Variants in MORC3 observed in about 807,000 individuals in gnomAD.
MORC3 encodes the protein MORC family CW-type zinc finger 3.
Under a neutral mutation model 109.1 loss-of-function variants are expected in MORC3, and 31 were observed. That is an observed-to-expected ratio of 0.28 (90% CI 0.21 to 0.38). MORC3 has a LOEUF of 0.38. MORC3 is among the 10% of genes least tolerant of loss of function. The pLI, the probability that MORC3 is intolerant of heterozygous loss-of-function variation, is 1.00. For synonymous variants in MORC3, 395 were observed against 380.7 expected (o/e 1.04, Z -0.44); for missense variants, 867 against 1,135.8 (o/e 0.76, Z 3.40).
intron 14 of MORC3, among the ~76,000 whole-genome samples, chr21:36,365,711 G>GCACGCACCACCATGC (rs2085773293): frequency 6.6e-6 from 1 of 152,088 alleles, no homozygotes; most frequent in Non-Finnish European, 1.5e-5. Context: ...GTCCCGAGTA[G>GCACGCACCACCATGC]CTGGGGTTAC....
chr21:36,339,688 T>C (rs1318926544), intron 5 of MORC3, among the ~76,000 whole-genome samples: 1 of 152,100 alleles, frequency 6.6e-6, no homozygotes, highest in African/African-American at 2.4e-5. Flanking sequence ...GAGGATAAAA[T>C]CCTTCGCAAA....
chr21:36,353,755 A>ATTTTTTTTTGTTTTTTTTTT (rs2085605349), intron 9 of MORC3, among the ~76,000 whole-genome samples: 2 of 71,012 alleles, frequency 2.8e-5, no homozygotes, highest in African/African-American at 6.7e-5. Flanking sequence ...TAATTTTTGT[A>ATTTTTTTTTGTTTTTTTTTT]TTTTTTTTTT....
intron 9 of MORC3, among the ~76,000 whole-genome samples, chr21:36,356,165 G>C (rs1224979694): frequency 1.3e-5 from 2 of 152,140 alleles, no homozygotes; most frequent in Non-Finnish European, 2.9e-5. Flanking sequence ...TATAATTTAA[G>C]ACTGCATCTT....
intron 9 of MORC3, among the ~76,000 whole-genome samples, chr21:36,349,696 A>C (rs1034425198): frequency 6.6e-6 from 1 of 152,256 alleles, no homozygotes; most frequent in Non-Finnish European, 1.5e-5. Flanking sequence ...GCTTAAGAGA[A>C]GTTATGCAAG....
At chr21:36,344,547 A>G in intron 6 of MORC3, 32 bp from the exon 7 acceptor site, 2 of 1,605,180 alleles carry the variant, frequency 1.2e-6, no homozygotes, top group Non-Finnish European at 1.7e-6. Context: ...GCAAACCTGT[A>G]GATACTAACT....
chr21:36,367,221 A>G (rs1476819401), intron 14 of MORC3, among the ~76,000 whole-genome samples: 55 of 152,240 alleles, frequency 3.6e-4, no homozygotes, highest in Non-Finnish European at 8.8e-5. Flanking sequence ...AGTAAGGGAA[A>G]GTTTGGATAC....
At chr21:36,362,694 G>C (rs2085733460) in intron 13 of MORC3, among the ~76,000 whole-genome samples, 5 of 151,994 alleles carry the variant, frequency 3.3e-5, no homozygotes. Flanking sequence ...CCATTTTATA[G>C]CTGTGTCTTA....
At position 36,369,289 on chromosome 21, in the gene MORC3, C is replaced by T. The variant is rs2085821469; in HGVS notation, c.1921C>T (p.Gln641Ter). The change falls in exon 15 of 17, where the codon CAG (glutamine) becomes TAG (stop). Residue 641 changes from glutamine to a stop codon, truncating the protein, a stop_gained. Transcript: ENST00000400485. LOFTEE classifies it high-confidence loss of function. ...RCDQGNTAAT[Q>*]TEVPSLVVKK... ...CGACCAGGGAAATACTGCAGCTACC[C>T]AGACTGAAGTACCAAGTTTAGTTGT... 2 of 1,613,954 alleles carry T rather than the reference C, an allele frequency of 1.2e-6. No individual in the cohort carries two copies. The highest frequency in any genetic ancestry group is 8.5e-7 in the Non-Finnish European group (1 of 1,180,034).
At chr21:36,352,215 C>T (rs966388584) in intron 9 of MORC3, among the ~76,000 whole-genome samples, 1 of 152,088 alleles carries the variant, frequency 6.6e-6, no homozygotes, top group Non-Finnish European at 1.5e-5. Context: ...TTAAAAGGAA[C>T]ACCTACAAAA....
intron 1 of MORC3, among the ~76,000 whole-genome samples, chr21:36,330,217 A>G (rs1315755905): frequency 6.6e-6 from 1 of 151,964 alleles, no homozygotes; most frequent in African/African-American, 2.4e-5. Flanking sequence ...CCAGGAGATA[A>G]TCAATTAAGA....
intron 1 of MORC3, 52 bp downstream of exon 1, chr21:36,320,355 C>G: frequency 1.2e-6 from 1 of 836,106 alleles, no homozygotes; most frequent in Non-Finnish European, 1.7e-6. Flanking sequence ...GGCGGGCGGG[C>G]AAGCGAAGGG....
intron 13 of MORC3, among the ~76,000 whole-genome samples, chr21:36,362,460 T>C (rs1213373297): frequency 6.6e-6 from 1 of 152,008 alleles, no homozygotes; most frequent in African/African-American, 2.4e-5. Context: ...GGAGAATTGC[T>C]TGAACCTGGG....
At chr21:36,344,747 G>A in intron 7 of MORC3, 40 bp downstream of exon 7, 2 of 1,607,560 alleles carry the variant, frequency 1.2e-6, no homozygotes, top group South Asian at 2.2e-5. Flanking sequence ...ATGTTAGTCA[G>A]GTGTATTCTC....
chr21:36,338,693 T>C, intron 4 of MORC3, 81 bp from the exon 5 acceptor site: 1 of 1,303,666 alleles, frequency 7.7e-7, no homozygotes, highest in Non-Finnish European at 1.0e-6. Context: ...GTTTTTCTGT[T>C]ATTTAAGTTT....
Position 36,341,446 on chromosome 21 carries a change from T to G in MORC3, c.656T>G (p.Ile219Ser). ...GATTTTGAAAAGGATAAATATGATA[T>G]CAGAATTCCCGAGGATTTAGATGAG... ...EFDFEKDKYDIRIPEDLDEIT... is the reference protein window; with the variant it reads ...EFDFEKDKYDSRIPEDLDEIT... The change falls in exon 6 of 17, where the codon ATC becomes AGC. Residue 219 changes from isoleucine (I) to serine (S), a missense_variant. Transcript: ENST00000400485. 1 of 1,612,916 alleles carries G rather than the reference T, an allele frequency of 6.2e-7. No homozygotes were observed. The highest frequency in any genetic ancestry group is 8.5e-7 in the Non-Finnish European group (1 of 1,179,756).
At chr21:36,346,220 T>C (rs537217081) in intron 8 of MORC3, among the ~76,000 whole-genome samples, 1 of 152,242 alleles carries the variant, frequency 6.6e-6, no homozygotes, top group South Asian at 2.1e-4. Flanking sequence ...GGCTTTACCA[T>C]GTTGACCAGG....
intron 9 of MORC3, among the ~76,000 whole-genome samples, chr21:36,355,087 A>T (rs1405460840): frequency 2.0e-5 from 3 of 152,182 alleles, no homozygotes; most frequent in Non-Finnish European, 2.9e-5. Context: ...TGGCATCGTT[A>T]TTCTAGACTT....
intron 2 of MORC3, 66 bp downstream of exon 2, chr21:36,333,784 G>GTTTTTT: frequency 7.9e-7 from 1 of 1,258,444 alleles, no homozygotes. Context: ...TTTTTGTTTT[G>GTTTTTT]TTTTGTTTTT....
intron 8 of MORC3, among the ~76,000 whole-genome samples, chr21:36,345,558 A>C (rs1171095202): frequency 6.6e-6 from 1 of 151,672 alleles, no homozygotes; most frequent in Non-Finnish European, 1.5e-5. Flanking sequence ...AGTAGCTGGG[A>C]CTACAGGCAC....
Sources: gnomAD v4.1 joint callset for allele counts (sites outside exome capture counted in the v4.1 genomes callset) on GRCh38, gnomAD v4.1.1 for gene constraint, MANE v1.5 for transcripts, NCBI Gene and HGNC (gene_info 2026-07-23, HGNC 2026-07-21) for gene names.